Variants in ORC5 observed in about 807,000 individuals in gnomAD.
The protein encoded by ORC5 is origin recognition complex subunit 5, also known as protein phosphatase 1, regulatory subunit 117.
ORC5 carries 39 observed loss-of-function variants against 58.8 expected under a neutral mutation model. The observed-to-expected ratio is 0.66, with a 90% CI of 0.51 to 0.87. The LOEUF (loss-of-function observed/expected upper bound fraction) is 0.87. Ranked by LOEUF, ORC5 falls within the 40% of genes least tolerant of loss-of-function variation. The pLI is 0.00. For missense variants in ORC5, 493 were observed against 506.3 expected (o/e 0.97, Z 0.25); for synonymous variants, 218 against 177.6 (o/e 1.23, Z -1.81).
chr7:104,161,053 A>C lies in ORC5; in HGVS notation c.1149+19T>G. 8.1e-7 allele frequency: 1 copy of C among 1,238,596 alleles called. No homozygotes were observed. The highest frequency in any genetic ancestry group is 2.3e-5 in the East Asian group (1 of 42,958). The allele number at this position is 1,238,596 out of a possible 1,614,324, so 76.7% of individuals were successfully genotyped here. On this transcript the variant is annotated intron_variant, in intron 12 of 13. Coordinates refer to ENST00000297431, the MANE Select transcript of ORC5 (RefSeq NM_002553.4). ...GAATCCCACAAAGATGACAGATAAT[A>C]ATCTATGATTAAGCTTACCTGGGAA...
chr7:104,190,722 A>G (rs979714840), intron 5 of ORC5, among the ~76,000 whole-genome samples: 2 of 151,926 alleles, frequency 1.3e-5, no homozygotes, highest in African/African-American at 4.8e-5. Context: ...AGCTCTTTGC[A>G]TATGACTACA....
In ORC5 at chr7:104,166,649, C is replaced by T. The variant is rs897009358; in HGVS notation, c.990+123G>A. On this transcript the variant is annotated intron_variant, in intron 10 of 13. Coordinates refer to ENST00000297431, the MANE Select transcript of ORC5 (RefSeq NM_002553.4). ...ATGTAAAGCCTTTAAAGAATGAGTC[C>T]TAAATACATATTTGGCAATCTTATT... 6 of 611,262 alleles carry T rather than the reference C, an allele frequency of 9.8e-6. No individual in the cohort carries two copies. In the Admixed American group the frequency reaches 1.2e-4, roughly 12 times the overall value. 37.9% of individuals were successfully genotyped at this position (611,262 alleles called of 1,614,324 possible).
intron 1 of ORC5, among the ~76,000 whole-genome samples, chr7:104,207,506 C>T (rs1252769612): frequency 6.6e-6 from 1 of 152,238 alleles, no homozygotes; most frequent in Non-Finnish European, 1.5e-5. Context: ...GCAAACACAT[C>T]TGTTACATAA....
chr7:104,200,994 G>T, intron 2 of ORC5, 36 bp from the exon 3 acceptor site: 1 of 1,539,210 alleles, frequency 6.5e-7, no homozygotes, highest in South Asian at 1.2e-5. Flanking sequence ...AAGTAAAGAA[G>T]AAAACACACA....
chr7:104,149,245 A>T (rs918016868), intron 12 of ORC5, among the ~76,000 whole-genome samples: 1 of 152,168 alleles, frequency 6.6e-6, no homozygotes, highest in African/African-American at 2.4e-5. Context: ...TTTCTGAAAC[A>T]CTAGAATCAT....
Position 104,205,086 on chromosome 7 carries a change from C to CTTTTTTTTTTTTT in ORC5, c.73-865_73-853dup, listed in dbSNP as rs10672012. On this transcript the variant is annotated intron_variant, in intron 1 of 13. Transcript: ENST00000297431. ...GAAAACTTGATTTTTTAATAATACT[C>CTTTTTTTTTTTTT]TTTTTTTTTTTTTTTTTTTTTGAGA... is the stretch of plus-strand genomic sequence containing the variant. Among the ~76,000 whole-genome samples, 53 of 99,444 alleles carry CTTTTTTTTTTTTT rather than the reference C, an allele frequency of 5.3e-4. 1 individual carries two copies. Among genetic ancestry groups the CTTTTTTTTTTTTT allele is most frequent in the African/African-American group, 1.5e-3 (40 of 26,918 alleles). 65.2% of individuals were successfully genotyped at this position (99,444 alleles called of 152,430 possible).
intron 8 of ORC5, among the ~76,000 whole-genome samples, chr7:104,176,825 C>T (rs976385219): frequency 5.3e-5 from 8 of 151,994 alleles, no homozygotes; most frequent in African/African-American, 1.4e-4. Flanking sequence ...AAACTTTTGC[C>T]GGGATTTATG....
intron 11 of ORC5, 116 bp from the exon 12 acceptor site, chr7:104,161,298 GCTAACAAATCTAAC>G: frequency 1.7e-6 from 1 of 584,574 alleles, no homozygotes; most frequent in Middle Eastern, 2.8e-4. Flanking sequence ...CCCTAAAAAT[GCTAACAAATCTAAC>G]CTGCAAACTC....
At chr7:104,186,193 G>A (rs1292317690) in intron 6 of ORC5, among the ~76,000 whole-genome samples, 1 of 150,954 alleles carries the variant, frequency 6.6e-6, no homozygotes, top group Non-Finnish European at 1.5e-5. Flanking sequence ...AACTGTGAGG[G>A]TCCACTTGTC....
chr7:104,168,973 T>C (rs1799158770), intron 8 of ORC5, among the ~76,000 whole-genome samples: 1 of 152,130 alleles, frequency 6.6e-6, no homozygotes, highest in Non-Finnish European at 1.5e-5. Context: ...TCCCAGCTAC[T>C]TGGGTGGCTG....
At chr7:104,178,033 G>A (rs1297715258) in intron 8 of ORC5, among the ~76,000 whole-genome samples, 2 of 152,174 alleles carry the variant, frequency 1.3e-5, no homozygotes, top group Non-Finnish European at 2.9e-5. Flanking sequence ...ATAAACATAG[G>A]TGTGCATTTG....
chr7:104,180,042 T>C (rs1799402845), intron 8 of ORC5, among the ~76,000 whole-genome samples: 1 of 152,222 alleles, frequency 6.6e-6, no homozygotes, highest in Non-Finnish European at 1.5e-5. Context: ...TTGGCTTTTC[T>C]TAATGTGTCT....
intron 11 of ORC5, 24 bp from the exon 12 acceptor site, chr7:104,161,206 T>C: frequency 7.7e-7 from 1 of 1,301,638 alleles, no homozygotes; most frequent in Middle Eastern, 1.8e-4. Context: ...AACAAAAACA[T>C]GGATTTTCTT....
chr7:104,189,707 C>T (rs1483173725), intron 5 of ORC5, among the ~76,000 whole-genome samples: 1 of 151,992 alleles, frequency 6.6e-6, no homozygotes. Context: ...GGGACAGAAG[C>T]TCCTGAGCTT....
In ORC5 at chr7:104,165,233, A is replaced by T. The variant is rs1410375394; in HGVS notation, c.1038+2T>A. 3.5e-6 allele frequency: 5 copies of T among 1,440,108 alleles called. No homozygotes were observed. Among genetic ancestry groups the T allele is most frequent in the Non-Finnish European group, 4.8e-6 (5 of 1,039,928 alleles). 89.2% of individuals were successfully genotyped at this position (1,440,108 alleles called of 1,614,324 possible). ...TTCCATTAGAAATTAAAATGTAAAT[A>T]CCTTTTCGTGTTTTTTTAGAAAGTT... On this transcript the variant is annotated splice_donor_variant, in intron 11 of 13. Coordinates refer to ENST00000297431, the MANE Select transcript of ORC5 (RefSeq NM_002553.4). LOFTEE classifies it high-confidence loss of function.
chr7:104,207,600 T>C (rs1263181200), intron 1 of ORC5, among the ~76,000 whole-genome samples: 2 of 152,236 alleles, frequency 1.3e-5, no homozygotes, highest in African/African-American at 4.8e-5. Flanking sequence ...GTGTTTCAAA[T>C]ACGTCTTAGG....
intron 5 of ORC5, among the ~76,000 whole-genome samples, chr7:104,193,922 T>A (rs576716860): frequency 1.6e-3 from 241 of 151,790 alleles, no homozygotes; most frequent in Non-Finnish European, 2.8e-3. Context: ...AATCTATAAA[T>A]TTAAATTATA....
intron 11 of ORC5, among the ~76,000 whole-genome samples, chr7:104,164,393 C>T (rs1030717897): frequency 1.6e-4 from 25 of 152,148 alleles, no homozygotes; most frequent in Non-Finnish European, 1.2e-4. Flanking sequence ...CATTGCACTG[C>T]AGCATGGGTG....
chr7:104,147,704 A>G (rs1433734068), intron 12 of ORC5, among the ~76,000 whole-genome samples: 3 of 152,230 alleles, frequency 2.0e-5, no homozygotes, highest in Admixed American at 1.3e-4. Flanking sequence ...ATGTCGTGCT[A>G]AAGGTTTGCT....
Sources: allele counts gnomAD v4.1 joint callset (sites outside exome capture counted in the v4.1 genomes callset), GRCh38; gene constraint gnomAD v4.1.1; transcripts MANE v1.5; gene names NCBI Gene and HGNC (gene_info 2026-07-23, HGNC 2026-07-21).